TSFM: variants seen among roughly 807,000 people sequenced by gnomAD.
The protein encoded by TSFM is Ts translation elongation factor, mitochondrial, also known as elongation factor Ts, mitochondrial.
Under a neutral mutation model 33.4 loss-of-function variants are expected in TSFM, and 29 were observed. The observed-to-expected ratio is 0.87, with a 90% CI of 0.65 to 1.18. TSFM has a LOEUF of 1.18. Among genes scored for constraint, TSFM ranks in the 50% most tolerant of loss-of-function variants. TSFM has a pLI of 0.00. For synonymous variants in TSFM, 178 were observed against 163.5 expected (o/e 1.09, Z -0.68); for missense variants, 394 against 395.6 (o/e 1.00, Z 0.04).
rs1555204197 is a variant in TSFM at position 57,783,103 on chromosome 12, C to T, written c.58-7C>T. The T allele has an allele frequency of 6.2e-7, 1 of 1,606,928 alleles. No individual in the cohort carries two copies. On this transcript the variant is annotated splice_region_variant and splice_polypyrimidine_tract_variant and intron_variant, in intron 1 of 5. Coordinates refer to ENST00000652027, the MANE Select transcript of TSFM (RefSeq NM_005726.6). ...CCTGCTCCTCATCCCTTTCTTATCT[C>T]ATCTAGGCTGGGTCTCTTCTGCGTC...
chr12:57,782,965 G>T, intron 1 of TSFM, 107 bp downstream of exon 1: 2 of 1,472,218 alleles, frequency 1.4e-6, no homozygotes, highest in Non-Finnish European at 1.8e-6. Context: ...CACCTTCCCC[G>T]ACAGCATTGC....
rs1228387901 is a variant in TSFM at position 57,789,316 on chromosome 12, T to C, written c.483+2154T>C. Among the ~76,000 whole-genome samples the C allele has an allele frequency of 3.9e-5, 6 of 152,024 alleles. No homozygotes were observed. The East Asian group carries it at 1.2e-3, about 29-fold the overall frequency. On this transcript the variant is annotated intron_variant, in intron 4 of 5. Coordinates refer to ENST00000652027, the MANE Select transcript of TSFM (RefSeq NM_005726.6). Reference sequence around the variant, plus strand: ...TGTAAGTATGTTGCAGACATCAGGATCCTTTATTCCTTCAGCATGTATCTC... The same window carrying C: ...TGTAAGTATGTTGCAGACATCAGGACCCTTTATTCCTTCAGCATGTATCTC...
chr12:57,796,676 A>C lies in TSFM; in HGVS notation c.*93A>C. On this transcript the variant is annotated 3_prime_UTR_variant, in exon 6 of 6. Transcript: ENST00000652027. ...ATTTCCCAAACCTCTTCAGACCGAGAATGCATGGGTAAAATTATTAAATAG... is the reference window on the plus strand; with the variant it reads ...ATTTCCCAAACCTCTTCAGACCGAGCATGCATGGGTAAAATTATTAAATAG... The C allele has an allele frequency of 7.9e-7, 1 of 1,258,782 alleles. No homozygotes were observed. The highest frequency in any genetic ancestry group is 1.0e-6 in the Non-Finnish European group (1 of 994,576). The allele number at this position is 1,258,782 out of a possible 1,614,324, so 78.0% of individuals were successfully genotyped here. A position where few individuals can be genotyped will look rare whatever the true frequency, so the allele number is the denominator to read the frequency against.
At chr12:57,787,888 C>G in intron 4 of TSFM, among the ~76,000 whole-genome samples, 1 of 151,906 alleles carries the variant, frequency 6.6e-6, no homozygotes, top group Non-Finnish European at 1.5e-5. Flanking sequence ...TGTACTCCCC[C>G]CGGGCAATAA....
intron 1 of TSFM, 110 bp from the exon 2 acceptor site, chr12:57,783,000 A>AC (rs1207631040): frequency 8.8e-6 from 13 of 1,483,076 alleles, no homozygotes; most frequent in East Asian, 2.3e-5. Flanking sequence ...GCCCCGGTGC[A>AC]CCCCCCTTTG....
intron 2 of TSFM, among the ~76,000 whole-genome samples, chr12:57,784,806 A>G (rs10431505): frequency 0.31 from 47,237 of 151,536 alleles, 8,048 homozygotes; most frequent in East Asian, 0.65. Flanking sequence ...CTTGAACCCA[A>G]AAGGCGGAGG....
chr12:57,790,060 C>CTTTTTTTT (rs35382401), intron 4 of TSFM, among the ~76,000 whole-genome samples: 39 of 105,414 alleles, frequency 3.7e-4, no homozygotes, highest in East Asian at 1.1e-3. Context: ...TTCTTTCTTT[C>CTTTTTTTT]TTTTTTTTTT....
chr12:57,787,033 C>T lies in TSFM; in HGVS notation c.361-7C>T, dbSNP rs2140417968. 1.2e-6 allele frequency: 2 copies of T among 1,612,272 alleles called. No individual in the cohort carries two copies. Among genetic ancestry groups the T allele is most frequent in the Non-Finnish European group, 1.7e-6 (2 of 1,179,122 alleles). On this transcript the variant is annotated splice_region_variant and splice_polypyrimidine_tract_variant and intron_variant, in intron 3 of 5. Coordinates refer to ENST00000652027, the MANE Select transcript of TSFM (RefSeq NM_005726.6). ...GCTTATACAGCTATATCAATTTGTT[C>T]CCACAGGTAAACTGTGAGACAGATT...
At position 57,796,515 on chromosome 12, in the gene TSFM, G is replaced by C. The variant is rs748940010; in HGVS notation, c.910G>C (p.Gly304Arg). 6.5e-7 allele frequency: 1 copy of C among 1,528,450 alleles called. No individual in the cohort carries two copies. Among genetic ancestry groups the C allele is most frequent in the Non-Finnish European group, 8.8e-7 (1 of 1,137,108 alleles). The allele number at this position is 1,528,450 out of a possible 1,614,324, so 94.7% of individuals were successfully genotyped here. Reference sequence around the variant, plus strand: ...CTTGGGGCAGTATGTGCAGCCTCAGGGGGTGTCGGTAGTAGACTTTGTGCG... The same window carrying C: ...CTTGGGGCAGTATGTGCAGCCTCAGCGGGTGTCGGTAGTAGACTTTGTGCG... ...ITLGQYVQPQGVSVVDFVRFE... is the reference protein window; with the variant it reads ...ITLGQYVQPQRVSVVDFVRFE... The change falls in exon 6 of 6, where the codon GGG becomes CGG. Residue 304 changes from glycine (G) to arginine (R), a missense_variant. Physicochemically the swap from Gly to Arg is moderately radical, Grantham distance 125. Coordinates refer to ENST00000652027, the MANE Select transcript of TSFM (RefSeq NM_005726.6).
downstream of TSFM, chr12:57,797,812 A>G (rs1955765990): frequency 8.2e-7 from 1 of 1,218,706 alleles, no homozygotes; most frequent in East Asian, 2.6e-5. Context: ...ATTGGTGGAT[A>G]AATTATTTCC....
In TSFM at chr12:57,786,292, G is replaced by A. The variant is rs754700169; in HGVS notation, c.360+1G>A. The A allele has an allele frequency of 6.2e-7, 1 of 1,610,126 alleles. No homozygotes were observed. The highest frequency in any genetic ancestry group is 8.5e-7 in the Non-Finnish European group (1 of 1,177,898). ...AGGAAACACAACTGTATTAGTAGAG[G>A]TGAGTTGTTGGAAATTCCAGATACC... On this transcript the variant is annotated splice_donor_variant, in intron 3 of 5. Coordinates refer to ENST00000652027, the MANE Select transcript of TSFM (RefSeq NM_005726.6). LOFTEE classifies it high-confidence loss of function.
downstream of TSFM, among the ~76,000 whole-genome samples, chr12:57,801,998 G>C (rs370524687): frequency 1.3e-5 from 2 of 152,330 alleles, no homozygotes; most frequent in Non-Finnish European, 2.9e-5. Flanking sequence ...TGCTGTGGCA[G>C]GTGAAAAAGA....
chr12:57,791,230 G>A (rs1013008771), intron 4 of TSFM, among the ~76,000 whole-genome samples: 1 of 151,970 alleles, frequency 6.6e-6, no homozygotes, highest in East Asian at 1.9e-4. Context: ...GGCTGGTCTC[G>A]AACTCCTGAC....
intron 2 of TSFM, among the ~76,000 whole-genome samples, chr12:57,784,916 CTTTTTTTTTTTTTTTTTT>C (rs1164168295): frequency 3.2e-3 from 250 of 79,170 alleles, no homozygotes; most frequent in African/African-American, 0.011. Context: ...ATTGAAATAT[CTTTTTTTTTTTTTTTTTT>C]TTTTTTTTTT....
chr12:57,782,978 C>T, intron 1 of TSFM, 120 bp downstream of exon 1: 1 of 1,470,852 alleles, frequency 6.8e-7, no homozygotes, highest in Non-Finnish European at 9.1e-7. Flanking sequence ...AGCATTGCCT[C>T]TGCCCAGTCC....
intron 4 of TSFM, among the ~76,000 whole-genome samples, chr12:57,788,838 G>C (rs1240949192): frequency 6.6e-6 from 1 of 152,034 alleles, no homozygotes; most frequent in East Asian, 1.9e-4. Context: ...TTGCCATCTT[G>C]CCCAGGCTGG....
chr12:57,798,950 C>A (rs1955791493), downstream of TSFM, among the ~76,000 whole-genome samples: 1 of 152,178 alleles, frequency 6.6e-6, no homozygotes, highest in Non-Finnish European at 1.5e-5. Flanking sequence ...TATGTTAATT[C>A]ATTCACGCAA....
At position 57,786,428 on chromosome 12, in the gene TSFM, A is replaced by C. The variant is rs549723042; in HGVS notation, c.360+137A>C. On this transcript the variant is annotated intron_variant, in intron 3 of 5. Transcript: ENST00000652027. ...AAGCGTAGTTGAAGTTAAACTCATG[A>C]AACCCTGGGTATTAGTTACGAATTC... 7 of 1,110,290 alleles carry C rather than the reference A, an allele frequency of 6.3e-6. No homozygotes were observed. In the East Asian group the frequency reaches 1.7e-4, roughly 27 times the overall value. The allele number at this position is 1,110,290 out of a possible 1,614,324, so 68.8% of individuals were successfully genotyped here.
chr12:57,793,181 A>T, intron 5 of TSFM, 108 bp downstream of exon 5: 1 of 917,816 alleles, frequency 1.1e-6, no homozygotes. Flanking sequence ...GGGTCAGATG[A>T]TACGAACGTG....
Sources: allele counts gnomAD v4.1 joint callset (sites outside exome capture counted in the v4.1 genomes callset), GRCh38; gene constraint gnomAD v4.1.1; transcripts MANE v1.5; gene names NCBI Gene and HGNC (gene_info 2026-07-23, HGNC 2026-07-21).